Variants in HABP4 observed in about 807,000 individuals in gnomAD.
HABP4 encodes hyaluronan binding protein 4, also known as intracellular hyaluronan-binding protein 4.
A neutral mutation model predicts 44.1 loss-of-function variants in HABP4; 32 were observed. The ratio of observed to expected loss-of-function variants is 0.73; its 90% CI spans 0.55 to 0.97. HABP4 has a LOEUF of 0.97. HABP4 is among the 50% of genes least tolerant of loss of function. The pLI is 0.00. For missense variants in HABP4, 503 were observed against 561.9 expected (o/e 0.90, Z 1.06); for synonymous variants, 216 against 218.0 (o/e 0.99, Z 0.08).
chr9:96,460,190 A>G (rs997428971), intron 2 of HABP4, among the ~76,000 whole-genome samples: 6 of 152,190 alleles, frequency 3.9e-5, no homozygotes, highest in Non-Finnish European at 7.3e-5. Context: ...AATAATACAT[A>G]TATGGAAGAG....
intron 1 of HABP4, among the ~76,000 whole-genome samples, chr9:96,451,688 CAG>C (rs1832280775): frequency 6.6e-6 from 1 of 152,084 alleles, no homozygotes; most frequent in Admixed American, 6.5e-5. Context: ...AAGCTAAATC[CAG>C]AGTCATCACT....
At position 96,450,636 on chromosome 9, in the gene HABP4, G is replaced by A. The variant is rs1393073010; in HGVS notation, c.349+8G>A. 3 of 1,264,010 alleles carry A rather than the reference G, an allele frequency of 2.4e-6. No homozygotes were observed. The highest frequency in any genetic ancestry group is 4.2e-5 in the Admixed American group (1 of 24,050). 78.3% of individuals were successfully genotyped at this position (1,264,010 alleles called of 1,614,324 possible). ...GCGGCCTGCAGGCGCCGGGTACGCG[G>A]GGACAGCGGGGTTAGCGGACCACGG... is the stretch of plus-strand genomic sequence containing the variant. On this transcript the variant is annotated splice_region_variant and intron_variant, in intron 1 of 7. Coordinates refer to ENST00000375249, the MANE Select transcript of HABP4 (RefSeq NM_014282.4). This position sits in a 1 kb window ranked among gnomAD's most constrained non-coding sequence, Gnocchi z 4.8.
intron 1 of HABP4, among the ~76,000 whole-genome samples, chr9:96,452,103 T>G (rs745794111): frequency 6.6e-6 from 1 of 151,804 alleles, no homozygotes; most frequent in Non-Finnish European, 1.5e-5. Context: ...GGCGGGCACC[T>G]GTAGGTCCAG....
At chr9:96,459,530 T>G (rs1382548059) in intron 2 of HABP4, among the ~76,000 whole-genome samples, 1 of 152,136 alleles carries the variant, frequency 6.6e-6, no homozygotes, top group Non-Finnish European at 1.5e-5. Context: ...TAAACCTGTT[T>G]ATGTTAAACA....
chr9:96,483,935 C>T (rs1590971), intron 5 of HABP4: 35,331 of 151,922 alleles, frequency 0.23, 5,114 homozygotes, highest in African/African-American at 0.41. Context: ...TTTGGCACCA[C>T]GGTTGGAAAA....
intron 4 of HABP4, 117 bp from the exon 5 acceptor site, chr9:96,470,894 C>CAAA (rs34151859): frequency 5.0e-4 from 230 of 462,532 alleles, no homozygotes; most frequent in East Asian, 9.5e-4. Context: ...GACTCAGTCT[C>CAAA]AAAAAAAAAA....
chr9:96,450,559 G>C lies in HABP4; in HGVS notation c.280G>C (p.Glu94Gln). 7.9e-7 allele frequency: 1 copy of C among 1,270,256 alleles called. No individual in the cohort carries two copies. The highest frequency in any genetic ancestry group is 9.9e-7 in the Non-Finnish European group (1 of 1,008,444). 78.7% of individuals were successfully genotyped at this position (1,270,256 alleles called of 1,614,324 possible). The change falls in exon 1 of 8, where the codon GAG (glutamate) becomes CAG (glutamine). Residue 94 changes from glutamate to glutamine, a missense_variant. Transcript: ENST00000375249. This position sits in a 1 kb window ranked among gnomAD's most constrained non-coding sequence, Gnocchi z 4.8. ...GAGGRRESQK[E>Q]RKSLPAPVAQ... is the part of the protein sequence containing the mutation. ...GGGCGGCCGGAGGGAGTCGCAGAAG[G>C]AGCGCAAGAGCCTCCCGGCGCCCGT... is the stretch of plus-strand genomic sequence containing the variant.
chr9:96,452,282 T>A (rs916430960), intron 1 of HABP4, among the ~76,000 whole-genome samples: 21 of 152,152 alleles, frequency 1.4e-4, no homozygotes, highest in Non-Finnish European at 2.8e-4. Context: ...GAGTTAGTGC[T>A]GTTAATACAT....
chr9:96,467,374 CTCTA>C (rs1832618786), intron 4 of HABP4, among the ~76,000 whole-genome samples: 1 of 152,138 alleles, frequency 6.6e-6, no homozygotes, highest in African/African-American at 2.4e-5. Context: ...TTGAATGTTT[CTCTA>C]TCTGGGGTTC....
At chr9:96,477,879 C>T (rs1053065112) in intron 5 of HABP4, among the ~76,000 whole-genome samples, 19 of 152,318 alleles carry the variant, frequency 1.2e-4, no homozygotes, top group South Asian at 1.2e-3. Context: ...CATTTCCCCC[C>T]GGCAGCCAAT....
chr9:96,458,625 T>C (rs1832443362), intron 2 of HABP4, 84 bp downstream of exon 2: 3 of 911,720 alleles, frequency 3.3e-6, no homozygotes, highest in Non-Finnish European at 4.9e-6. Context: ...TTTCTTTCTT[T>C]CTTTTTTTTT....
chr9:96,465,754 C>A lies in HABP4; in HGVS notation c.719C>A (p.Thr240Asn), dbSNP rs1832589901. The change falls in exon 4 of 8, where the codon ACC (threonine) becomes AAC (asparagine). Residue 240 changes from threonine to asparagine, a missense_variant. Physicochemically the swap from Thr to Asn is moderately conservative, Grantham distance 65. Transcript: ENST00000375249. ...EDNMGGCGVRTWGSGKDTSDV... is the reference protein window; with the variant it reads ...EDNMGGCGVRNWGSGKDTSDV... ...AACATGGGTGGATGTGGAGTTCGAA[C>A]CTGGGGATCGGGTAAAGATACCAGG... is the stretch of plus-strand genomic sequence containing the variant. 4 of 1,598,056 alleles carry A rather than the reference C, an allele frequency of 2.5e-6. No individual in the cohort carries two copies. Among genetic ancestry groups the A allele is most frequent in the East Asian group, 2.2e-5 (1 of 44,804 alleles).
Position 96,463,908 on chromosome 9 carries a change from G to A in HABP4, c.513-1429G>A, listed in dbSNP as rs191200281. On this transcript the variant is annotated intron_variant, in intron 2 of 7. Coordinates refer to ENST00000375249, the MANE Select transcript of HABP4 (RefSeq NM_014282.4). ...TGATGCCAGGACCTCCATTAAATAA[G>A]TAATTTCTTGTGATTTTAAATGTTT... Among the ~76,000 whole-genome samples, 295 of 152,302 alleles carry A rather than the reference G, an allele frequency of 1.9e-3. 4 individuals are homozygous for A. Among genetic ancestry groups the A allele is most frequent in the Non-Finnish European group, 3.2e-4 (22 of 68,028 alleles).
At chr9:96,476,724 TG>T (rs1446074383) in intron 5 of HABP4, among the ~76,000 whole-genome samples, 1 of 152,114 alleles carries the variant, frequency 6.6e-6, no homozygotes, top group Non-Finnish European at 1.5e-5. Context: ...AAATGGGAAA[TG>T]GGGTATGCGT....
intron 5 of HABP4, among the ~76,000 whole-genome samples, chr9:96,477,116 A>C (rs1013161667): frequency 3.9e-5 from 6 of 152,230 alleles, no homozygotes; most frequent in African/African-American, 1.4e-4. Flanking sequence ...TGTTAATAAC[A>C]ACTACTTCTG....
Position 96,471,085 on chromosome 9 carries a change from C to T in HABP4, c.818C>T (p.Ser273Phe), listed in dbSNP as rs1395813622. 2 of 1,558,942 alleles carry T rather than the reference C, an allele frequency of 1.3e-6. No homozygotes were observed. Among genetic ancestry groups the T allele is most frequent in the Non-Finnish European group, 1.8e-6 (2 of 1,129,784 alleles). The change falls in exon 5 of 8, where the codon TCT becomes TTT. Residue 273 changes from serine (S) to phenylalanine (F), a missense_variant. Transcript: ENST00000375249. ...EESQGTPEEE[S>F]PAKVPELEVE... is the part of the protein sequence containing the mutation. Reference sequence around the variant, plus strand: ...TCCCAGGGCACCCCGGAAGAGGAGTCTCCAGCCAAGTAGGGCATTTTGTTC... The same window carrying T: ...TCCCAGGGCACCCCGGAAGAGGAGTTTCCAGCCAAGTAGGGCATTTTGTTC...
At position 96,450,429 on chromosome 9, in the gene HABP4, G is replaced by A; in HGVS notation, c.150G>A (p.Gln50=). ...TGCGCGAGGCCGAGCGCCGGCGCCAGCAGCAGCTGCAGCGCAAGAGGCGCG... is the reference window on the plus strand; with the variant it reads ...TGCGCGAGGCCGAGCGCCGGCGCCAACAGCAGCTGCAGCGCAAGAGGCGCG... ...DILREAERRR[Q]QQLQRKRRDE... The change falls in exon 1 of 8, where the codon CAG becomes CAA. Residue 50 remains glutamine (Q), a synonymous_variant. Coordinates refer to ENST00000375249, the MANE Select transcript of HABP4 (RefSeq NM_014282.4). The surrounding 1 kb of genome is among the most constrained non-coding windows in gnomAD (Gnocchi z 4.8). The A allele has an allele frequency of 7.4e-7, 1 of 1,349,660 alleles. No individual in the cohort carries two copies. The allele number at this position is 1,349,660 out of a possible 1,614,324, so 83.6% of individuals were successfully genotyped here.
At chr9:96,483,493 C>A (rs1832915592) in intron 5 of HABP4, 1 of 152,094 alleles carries the variant, frequency 6.6e-6, no homozygotes, top group Non-Finnish European at 1.5e-5. Context: ...CTCAAGCGAT[C>A]CTCCCACCTC....
chr9:96,460,124 TTAAAAAGGA>T, intron 2 of HABP4, among the ~76,000 whole-genome samples: 1 of 152,246 alleles, frequency 6.6e-6, no homozygotes, highest in African/African-American at 2.4e-5. Context: ...TGTGTAGTCT[TTAAAAAGGA>T]TAAAATAGAT....
Sources: gnomAD v4.1 joint callset for allele counts (sites outside exome capture counted in the v4.1 genomes callset) on GRCh38, gnomAD v4.1.1 for gene constraint, Gnocchi (gnomAD v3.1) non-coding constraint, MANE v1.5 for transcripts, NCBI Gene and HGNC (gene_info 2026-07-23, HGNC 2026-07-21) for gene names.